Variants in CTBP1 observed in about 807,000 individuals in gnomAD.
CTBP1 encodes the protein C-terminal binding protein 1.
In CTBP1, 11 loss-of-function variants were observed where a neutral mutation model predicts 42.1. That is an observed-to-expected ratio of 0.26 (90% CI 0.16 to 0.43). CTBP1 has a LOEUF of 0.43. CTBP1 is among the 20% of genes least tolerant of loss of function. CTBP1 has a pLI of 1.00. For synonymous variants in CTBP1, 324 were observed against 277.1 expected, an observed-to-expected ratio of 1.17 and a Z score of -1.68; for missense variants, 399 against 624.3, an observed-to-expected ratio of 0.64 and a Z score of 3.85.
chr4:1,224,769 T>C (rs1032633273), intron 5 of CTBP1, among the ~76,000 whole-genome samples: 3 of 149,444 alleles, frequency 2.0e-5, no homozygotes, highest in African/African-American at 7.5e-5. Flanking sequence ...GCCCGTGAGG[T>C]CCACGTCTGT....
chr4:1,227,856 C>T (rs1450682597), intron 4 of CTBP1, among the ~76,000 whole-genome samples: 1 of 152,214 alleles, frequency 6.6e-6, no homozygotes, highest in Admixed American at 6.5e-5. Context: ...GGGACAGAGA[C>T]CTATGAGCCC....
rs1190440919 is a variant in CTBP1, at chr4:1,247,777, G to GA, written c.-189+1138_-189+1139insT. ...GTGGAGAGGCCGGGGAGGGGGGGGGGGCTCGGGCTCAACGGAACACCCTGC... is the reference window on the plus strand; with the variant it reads ...GTGGAGAGGCCGGGGAGGGGGGGGGGAGCTCGGGCTCAACGGAACACCCTGC... On this transcript the variant is annotated intron_variant, in intron 1 of 9. Transcript: ENST00000382952. Among the ~76,000 whole-genome samples the GA allele has an allele frequency of 6.6e-5, 10 of 151,290 alleles. No individual in the cohort carries two copies. In the South Asian group the frequency reaches 1.5e-3, roughly 22 times the overall value.
intron 1 of CTBP1, among the ~76,000 whole-genome samples, chr4:1,246,215 G>A (rs759468844): frequency 6.6e-5 from 10 of 152,068 alleles, no homozygotes; most frequent in Admixed American, 2.0e-4. Context: ...AGACACTCCC[G>A]GCACAGAGCT....
Position 1,238,151 on chromosome 4 carries a change from T to C in CTBP1, c.162+32A>G. On this transcript the variant is annotated intron_variant, in intron 3 of 9. Coordinates refer to ENST00000382952, the MANE Select transcript of CTBP1 (RefSeq NM_001012614.2). The surrounding 1 kb of genome is among the most constrained non-coding windows in gnomAD (Gnocchi z 5.9). ...CCTCCAACTCCCCCCAACGTGCGGT[T>C]CTGCCAGCCCCAGGCGACCACGTGG... The C allele has an allele frequency of 6.2e-7, 1 of 1,612,352 alleles. No homozygotes were observed. The highest frequency in any genetic ancestry group is 8.5e-7 in the Non-Finnish European group (1 of 1,179,524).
At chr4:1,244,809 C>T in intron 1 of CTBP1, 2 of 985,432 alleles carry the variant, frequency 2.0e-6, no homozygotes, top group Non-Finnish European at 2.4e-6. Context: ...TGGTGAGATG[C>T]CCCCTCTGGC....
Position 1,233,252 on chromosome 4 carries a change from G to A in CTBP1, c.163-4909C>T, listed in dbSNP as rs905680684. On this transcript the variant is annotated intron_variant, in intron 3 of 9. Transcript: ENST00000382952. The surrounding 1 kb of genome is among the most constrained non-coding windows in gnomAD (Gnocchi z 4.6). The stretch of plus-strand genomic sequence containing the variant: ...ACACTCCATTACCATGACAACGCCA[G>A]CTTGTGTGTTTTTCCCAGTCACCAT... 1 of 152,252 alleles carries A rather than the reference G, an allele frequency of 6.6e-6. No homozygotes were observed. Among genetic ancestry groups the A allele is most frequent in the East Asian group, 1.9e-4 (1 of 5,186 alleles). 9.4% of individuals were successfully genotyped at this position (152,252 alleles called of 1,614,324 possible).
At chr4:1,246,099 C>T (rs908519644) in intron 1 of CTBP1, among the ~76,000 whole-genome samples, 2 of 152,190 alleles carry the variant, frequency 1.3e-5, no homozygotes, top group African/African-American at 4.8e-5. Flanking sequence ...CTTCTGGAAA[C>T]GATGGTCAGT....
chr4:1,243,237 A>G (rs989776299), intron 1 of CTBP1: 45 of 985,302 alleles, frequency 4.6e-5, no homozygotes, highest in Admixed American at 6.1e-5. Context: ...ACTGGCCAGT[A>G]CGTGCCCACA....
chr4:1,228,613 C>T (rs1730634533), intron 3 of CTBP1, among the ~76,000 whole-genome samples: 1 of 152,152 alleles, frequency 6.6e-6, no homozygotes, highest in Non-Finnish European at 1.5e-5. Context: ...TCAGAGTTGC[C>T]CGCTCCCCAC....
At position 1,231,874 on chromosome 4, in the gene CTBP1, A is replaced by G. The variant is rs113911972; in HGVS notation, c.163-3531T>C. On this transcript the variant is annotated intron_variant, in intron 3 of 9. Transcript: ENST00000382952. ...CAGGCTCCCTCAGCACGGCTGGTGC[A>G]GGGCTCAGCGCAGGCCAGGCCAGGG... 6.1e-3 allele frequency among the ~76,000 whole-genome samples: 929 copies of G among 152,262 alleles called. 7 individuals carry two copies. The highest frequency in any genetic ancestry group is 0.021 in the African/African-American group (873 of 41,556).
intron 4 of CTBP1, among the ~76,000 whole-genome samples, chr4:1,227,088 C>T (rs530457109): frequency 5.3e-5 from 8 of 152,122 alleles, no homozygotes; most frequent in Admixed American, 2.6e-4. Context: ...CCAAGCAGGA[C>T]GGCCAAGCAC....
intron 5 of CTBP1, chr4:1,217,969 A>G (rs1729321865): frequency 6.6e-6 from 1 of 152,240 alleles, no homozygotes; most frequent in African/African-American, 2.4e-5. Context: ...AACCACATAG[A>G]AATTCCAGAA....
chr4:1,240,268 G>T (rs575207056), intron 2 of CTBP1, among the ~76,000 whole-genome samples: 1 of 116,846 alleles, frequency 8.6e-6, no homozygotes, highest in Non-Finnish European at 1.7e-5. Flanking sequence ...GAGTGGGACC[G>T]GGTCCCTCGT....
At chr4:1,232,681 A>G (rs1560263963) in intron 3 of CTBP1, among the ~76,000 whole-genome samples, 1 of 152,196 alleles carries the variant, frequency 6.6e-6, no homozygotes, top group Non-Finnish European at 1.5e-5. Flanking sequence ...CACATTTTCC[A>G]CAGAAAACAT....
In CTBP1 at chr4:1,249,081, T is replaced by A; in HGVS notation, c.-354A>T. 3.4e-6 allele frequency: 1 copy of A among 291,998 alleles called. No individual in the cohort carries two copies. The highest frequency in any genetic ancestry group is 5.0e-6 in the Non-Finnish European group (1 of 200,314). The allele number at this position is 291,998 out of a possible 1,614,324, so 18.1% of individuals were successfully genotyped here. On this transcript the variant is annotated 5_prime_UTR_variant, in exon 1 of 10. Transcript: ENST00000382952. Reference sequence around the variant, plus strand: ...GCCCGCCTGCGCCTGGCCGCCGCCGTGCCGAGTCTCCGCCGCGCCGCTGAG... The same window carrying A: ...GCCCGCCTGCGCCTGGCCGCCGCCGAGCCGAGTCTCCGCCGCGCCGCTGAG...
intron 5 of CTBP1, chr4:1,218,462 T>C (rs1189084150): frequency 6.6e-6 from 1 of 151,572 alleles, no homozygotes; most frequent in Admixed American, 6.6e-5. Flanking sequence ...AATCGGTCAC[T>C]GGTGAGCCAC....
At chr4:1,244,544 C>T (rs1732524059) in intron 1 of CTBP1, 1 of 985,092 alleles carries the variant, frequency 1.0e-6, no homozygotes, top group South Asian at 4.7e-5. Flanking sequence ...CCGCTCCCCT[C>T]CCTCACGACC....
intron 3 of CTBP1, among the ~76,000 whole-genome samples, chr4:1,229,178 G>A (rs562727977): frequency 3.9e-5 from 6 of 152,324 alleles, no homozygotes; most frequent in African/African-American, 1.4e-4. Context: ...GAGGGCAGGG[G>A]CAGTGTGGGG....
At chr4:1,249,530 C>T (rs1469764621), upstream of CTBP1, 4 of 166,058 alleles carry the variant, frequency 2.4e-5, no homozygotes, top group African/African-American at 5.0e-5. Context: ...CCCGCTCCGC[C>T]AGCTGCCGCC....
Sources: allele counts gnomAD v4.1 joint callset (sites outside exome capture counted in the v4.1 genomes callset), GRCh38; gene constraint gnomAD v4.1.1; non-coding constraint Gnocchi (gnomAD v3.1); transcripts MANE v1.5; gene names NCBI Gene and HGNC (gene_info 2026-07-23, HGNC 2026-07-21).